SGCZ: variants seen among roughly 807,000 people sequenced by gnomAD.
The protein encoded by SGCZ is sarcoglycan zeta, also known as zeta-sarcoglycan.
SGCZ carries 40 observed loss-of-function variants against 41.3 expected under a neutral mutation model. The observed-to-expected ratio is 0.97, with a 90% CI of 0.75 to 1.26. The LOEUF (loss-of-function observed/expected upper bound fraction) is 1.26, where lower values mean the gene tolerates loss of function less well. Among genes scored for constraint, SGCZ ranks in the 50% most tolerant of loss-of-function variants. The pLI is 0.00. For synonymous variants in SGCZ, 206 were observed against 137.5 expected (o/e 1.50, Z -3.49); for missense variants, 552 against 369.8 (o/e 1.49, Z -4.04).
At chr8:14,828,575 T>C (rs1316769109) in intron 1 of SGCZ, among the ~76,000 whole-genome samples, 1 of 152,136 alleles carries the variant, frequency 6.6e-6, no homozygotes, top group Admixed American at 6.5e-5. Flanking sequence ...CATGACTTCA[T>C]CCAGTACAGT....
At chr8:14,845,188 A>C (rs915475653) in intron 1 of SGCZ, among the ~76,000 whole-genome samples, 14 of 152,202 alleles carry the variant, frequency 9.2e-5, no homozygotes, top group Admixed American at 7.2e-4. Context: ...AATGGTGCCT[A>C]TTCTTACCAG....
At chr8:15,211,030 T>TATATAGATATAGATATAG (rs71211019) in intron 1 of SGCZ, among the ~76,000 whole-genome samples, 7 of 147,190 alleles carry the variant, frequency 4.8e-5, no homozygotes, top group African/African-American at 7.4e-5. Context: ...GATATATACA[T>TATATAGATATAGATATAG]ATATAGATAT....
At chr8:14,329,561 T>C (rs183570735) in intron 2 of SGCZ, among the ~76,000 whole-genome samples, 47 of 152,172 alleles carry the variant, frequency 3.1e-4, no homozygotes, top group African/African-American at 1.0e-3. Context: ...CCACTGTTTA[T>C]ATTGTTATTT....
rs557588094 is a variant in SGCZ, at chr8:15,122,422, G to T, written c.39+115163C>A. 3.3e-5 allele frequency among the ~76,000 whole-genome samples: 5 copies of T among 152,142 alleles called. No homozygotes were observed. The East Asian group carries it at 7.7e-4, about 23-fold the overall frequency. The stretch of plus-strand genomic sequence containing the variant: ...TATCTTCTATCATACATAGTAGAAG[G>T]TGAATTCAAATATCTTATTTCCTGT... On this transcript the variant is annotated intron_variant, in intron 1 of 7. Coordinates refer to ENST00000382080, the MANE Select transcript of SGCZ (RefSeq NM_139167.4).
At chr8:14,144,268 C>A (rs756617260) in intron 5 of SGCZ, among the ~76,000 whole-genome samples, 1 of 152,168 alleles carries the variant, frequency 6.6e-6, no homozygotes. Flanking sequence ...ATACTTTGGA[C>A]ATCTTGGATA....
chr8:14,732,875 G>T (rs993856079), intron 1 of SGCZ, among the ~76,000 whole-genome samples: 7 of 151,964 alleles, frequency 4.6e-5, no homozygotes, highest in Admixed American at 3.9e-4. Context: ...ATAATGAATG[G>T]CCTGGTAATG....
intron 1 of SGCZ, among the ~76,000 whole-genome samples, chr8:14,869,381 T>C (rs1804059647): frequency 6.6e-6 from 1 of 152,128 alleles, no homozygotes; most frequent in Non-Finnish European, 1.5e-5. Flanking sequence ...TTCGATGAAA[T>C]TCAACACCGC....
chr8:14,424,696 G>A (rs1282715174), intron 2 of SGCZ, among the ~76,000 whole-genome samples: 1 of 152,068 alleles, frequency 6.6e-6, no homozygotes. Context: ...ATCTGTTAAT[G>A]AATATCTGAA....
At chr8:14,610,085 G>A (rs984829354) in intron 1 of SGCZ, among the ~76,000 whole-genome samples, 1 of 152,130 alleles carries the variant, frequency 6.6e-6, no homozygotes, top group Non-Finnish European at 1.5e-5. Context: ...AATGACCTGG[G>A]CCCTGCTGGA....
At chr8:14,910,696 C>T (rs908374171) in intron 1 of SGCZ, among the ~76,000 whole-genome samples, 9 of 151,762 alleles carry the variant, frequency 5.9e-5, no homozygotes, top group African/African-American at 2.2e-4. Flanking sequence ...TCTTTTAAAG[C>T]ACTTTGCCCA....
intron 2 of SGCZ, among the ~76,000 whole-genome samples, chr8:14,449,363 T>A (rs577592662): frequency 6.6e-6 from 1 of 152,176 alleles, no homozygotes; most frequent in East Asian, 1.9e-4. Context: ...TGCAATACCA[T>A]GGCTGTGGCA....
intron 1 of SGCZ, among the ~76,000 whole-genome samples, chr8:14,872,169 G>A (rs1179773173): frequency 6.6e-6 from 1 of 151,862 alleles, no homozygotes. Context: ...GGCCTGACAG[G>A]GCATGAGGGG....
rs550182628 is a variant in SGCZ, at chr8:14,900,317, T to A, written c.39+337268A>T. ...CAATTGGATGATTTTTTCTAATGAA[T>A]GATGTGATAAACCCCCAACGGCTCT... On this transcript the variant is annotated intron_variant, in intron 1 of 7. Coordinates refer to ENST00000382080, the MANE Select transcript of SGCZ (RefSeq NM_139167.4). Among the ~76,000 whole-genome samples the A allele has an allele frequency of 5.3e-5, 8 of 152,286 alleles. No individual in the cohort carries two copies. The South Asian group carries it at 8.3e-4, about 16-fold the overall frequency.
At chr8:14,489,784 C>T (rs7836622) in intron 2 of SGCZ, among the ~76,000 whole-genome samples, 32,231 of 151,590 alleles carry the variant, frequency 0.21, 3,705 homozygotes, top group Admixed American at 0.27. Context: ...AGTTAATAAA[C>T]ACATCTGGCC....
At chr8:14,783,460 GA>G (rs921663237) in intron 1 of SGCZ, among the ~76,000 whole-genome samples, 20 of 148,580 alleles carry the variant, frequency 1.3e-4, no homozygotes, top group African/African-American at 2.0e-4. Context: ...GAAAGAAAAG[GA>G]AAAAAAAAGT....
chr8:15,165,613 G>A (rs1010435884), intron 1 of SGCZ, among the ~76,000 whole-genome samples: 11 of 152,184 alleles, frequency 7.2e-5, no homozygotes, highest in African/African-American at 2.7e-4. Flanking sequence ...TTACCTTGAA[G>A]TTCAAAATTG....
intron 4 of SGCZ, among the ~76,000 whole-genome samples, chr8:14,203,667 C>T (rs1805527716): frequency 6.6e-6 from 1 of 152,142 alleles, no homozygotes; most frequent in Non-Finnish European, 1.5e-5. Flanking sequence ...GTGAGCACCA[C>T]AATCCATTGC....
chr8:15,237,800 A>C lies in SGCZ; in HGVS notation c.-177T>G. 1 of 581,762 alleles carries C rather than the reference A, an allele frequency of 1.7e-6. No homozygotes were observed. The highest frequency in any genetic ancestry group is 3.1e-6 in the Non-Finnish European group (1 of 325,304). The allele number at this position is 581,762 out of a possible 1,614,324, so 36.0% of individuals were successfully genotyped here. A position where few individuals can be genotyped will look rare whatever the true frequency, so the allele number is the denominator to read the frequency against. ...CGGGTTAAAAATAAGGAAAATAAAT[A>C]AATAATAATGATAATTCACTTTATT... On this transcript the variant is annotated 5_prime_UTR_variant, in exon 1 of 8. Transcript: ENST00000382080.
chr8:14,118,789 G>A (rs1802602110), intron 5 of SGCZ, among the ~76,000 whole-genome samples: 2 of 152,258 alleles, frequency 1.3e-5, no homozygotes, highest in East Asian at 1.9e-4. Flanking sequence ...TGGCTAGCCA[G>A]TTTTCCCAAC....
Sources: gnomAD v4.1 joint callset for allele counts (sites outside exome capture counted in the v4.1 genomes callset) on GRCh38, gnomAD v4.1.1 for gene constraint, MANE v1.5 for transcripts, NCBI Gene and HGNC (gene_info 2026-07-23, HGNC 2026-07-21) for gene names.